The following PDE1C variants were observed in gnomAD, a reference collection of about 807,000 sequenced individuals.
The protein encoded by PDE1C is dual specificity calcium/calmodulin-dependent 3',5'-cyclic nucleotide phosphodiesterase 1C.
In PDE1C, 62 loss-of-function variants were observed where a neutral mutation model predicts 93.1. The observed-to-expected ratio is 0.67, with a 90% CI of 0.54 to 0.82. The LOEUF (loss-of-function observed/expected upper bound fraction) is 0.82, where lower values mean the gene tolerates loss of function less well. Among genes scored for constraint, PDE1C ranks in the 40% least tolerant of loss-of-function variants. The pLI is 0.00. For missense variants in PDE1C, 742 were observed against 884.6 expected (o/e 0.84, Z 2.04); for synonymous variants, 325 against 310.1 (o/e 1.05, Z -0.50).
At chr7:31,714,915 C>T in the PDE1C span, among the ~76,000 whole-genome samples, 1 of 152,118 alleles carries the variant, frequency 6.6e-6, no homozygotes, top group African/African-American at 2.4e-5. Flanking sequence ...GAGGACCTCA[C>T]AGATGCTGAA....
intron 2 of PDE1C, among the ~76,000 whole-genome samples, chr7:31,885,601 T>C (rs976576375): frequency 1.3e-5 from 2 of 152,170 alleles, no homozygotes; most frequent in Admixed American, 6.5e-5. Flanking sequence ...CCAATCAACA[T>C]GTGGGATGCA....
At chr7:31,828,860 C>T (rs1267232131) in intron 11 of PDE1C, among the ~76,000 whole-genome samples, 1 of 152,136 alleles carries the variant, frequency 6.6e-6, no homozygotes, top group African/African-American at 2.4e-5. Flanking sequence ...GCAAGTGCTT[C>T]TGGGTTTTTA....
intron 1 of PDE1C, among the ~76,000 whole-genome samples, chr7:32,344,468 G>C (rs1195240049): frequency 6.6e-6 from 1 of 152,086 alleles, no homozygotes; most frequent in Non-Finnish European, 1.5e-5. Context: ...CTCCTGCCTC[G>C]CTTTTCCTTG....
At chr7:31,671,804 A>G in the PDE1C span, among the ~76,000 whole-genome samples, 14 of 152,262 alleles carry the variant, frequency 9.2e-5, no homozygotes, top group Middle Eastern at 6.8e-3. Context: ...GGGATTGTCA[A>G]ATCTCTCAGG....
intron 1 of PDE1C, among the ~76,000 whole-genome samples, chr7:32,332,385 T>A (rs887017633): frequency 6.6e-6 from 1 of 152,046 alleles, no homozygotes; most frequent in African/African-American, 2.4e-5. Flanking sequence ...CAATACCAAG[T>A]GTTGGCAAAG....
At chr7:31,629,940 A>T in the PDE1C span, among the ~76,000 whole-genome samples, 1 of 152,242 alleles carries the variant, frequency 6.6e-6, no homozygotes, top group African/African-American at 2.4e-5. Flanking sequence ...AAAATATACA[A>T]ACATGATATA....
At chr7:31,675,548 C>T in the PDE1C span, among the ~76,000 whole-genome samples, 1 of 152,088 alleles carries the variant, frequency 6.6e-6, no homozygotes, top group Admixed American at 6.6e-5. Flanking sequence ...TTGTCTCATG[C>T]AGAGTGGTTT....
upstream of PDE1C, among the ~76,000 whole-genome samples, chr7:32,303,311 C>T (rs894154381): frequency 1.4e-4 from 21 of 151,982 alleles, no homozygotes; most frequent in Admixed American, 1.2e-3. Context: ...AAGCAGAGGA[C>T]GAAGAAATGA....
chr7:32,360,046 G>A (rs215702), intron 1 of PDE1C, among the ~76,000 whole-genome samples: 85,743 of 151,940 alleles, frequency 0.56, 25,632 homozygotes, highest in Admixed American at 0.69. Flanking sequence ...GAATAAGGAC[G>A]ATATCTTCCC....
chr7:32,052,557 G>A (rs1365244050), intron 1 of PDE1C, among the ~76,000 whole-genome samples: 2 of 152,140 alleles, frequency 1.3e-5, no homozygotes, highest in African/African-American at 4.8e-5. Flanking sequence ...AGCATATCCG[G>A]GAAGTACAAT....
At chr7:32,358,429 C>T (rs215697) in intron 1 of PDE1C, among the ~76,000 whole-genome samples, 102,826 of 152,048 alleles carry the variant, frequency 0.68, 35,483 homozygotes, top group Admixed American at 0.79. Context: ...TGTTCATTGG[C>T]AAGAGGAGTT....
chr7:31,870,453 C>T (rs1465007719), intron 6 of PDE1C, among the ~76,000 whole-genome samples: 1 of 151,906 alleles, frequency 6.6e-6, no homozygotes, highest in African/African-American at 2.4e-5. Context: ...CACAAAAGGT[C>T]ATCAGAGACT....
At chr7:31,768,252 G>A (rs1433304273) in intron 17 of PDE1C, among the ~76,000 whole-genome samples, 1 of 152,166 alleles carries the variant, frequency 6.6e-6, no homozygotes, top group South Asian at 2.1e-4. Flanking sequence ...GTCATTTAAT[G>A]TGTGCTGAAT....
At chr7:31,736,031 G>A in the PDE1C span, among the ~76,000 whole-genome samples, 1 of 152,144 alleles carries the variant, frequency 6.6e-6, no homozygotes, top group Non-Finnish European at 1.5e-5. Context: ...ATTGCTGTGT[G>A]CAAATTTTTT....
intron 7 of PDE1C, among the ~76,000 whole-genome samples, chr7:31,856,727 T>C (rs1390120592): frequency 1.4e-5 from 2 of 147,374 alleles, no homozygotes; most frequent in Non-Finnish European, 3.0e-5. Context: ...GAAGCATGCC[T>C]AATATTTAAA....
intron 15 of PDE1C, among the ~76,000 whole-genome samples, chr7:31,809,843 C>T (rs1301231074): frequency 6.6e-6 from 1 of 152,070 alleles, no homozygotes; most frequent in East Asian, 1.9e-4. Flanking sequence ...TAGCATATAA[C>T]TTCACAGTAC....
At chr7:32,191,690 GT>G (rs1804241859) in intron 2 of PDE1C, among the ~76,000 whole-genome samples, 1 of 152,164 alleles carries the variant, frequency 6.6e-6, no homozygotes, top group African/African-American at 2.4e-5. Context: ...ATTCATGTAG[GT>G]TTTTGTGTTA....
the PDE1C span, among the ~76,000 whole-genome samples, chr7:31,724,547 C>T: frequency 1.3e-5 from 2 of 152,214 alleles, no homozygotes; most frequent in Admixed American, 6.5e-5. Context: ...GGGCATTGAT[C>T]GTTCTTTCCC....
intron 7 of PDE1C, among the ~76,000 whole-genome samples, chr7:31,859,232 TATAGAG>T (rs1794391076): frequency 6.7e-6 from 1 of 149,568 alleles, no homozygotes; most frequent in South Asian, 2.1e-4. Context: ...CCTATATACA[TATAGAG>T]AGAGTGAGAG....
Sources: gnomAD v4.1 joint callset for allele counts (sites outside exome capture counted in the v4.1 genomes callset) on GRCh38, gnomAD v4.1.1 for gene constraint, MANE v1.5 for transcripts, NCBI Gene and HGNC (gene_info 2026-07-23, HGNC 2026-07-21) for gene names.